Variants in SPOCK1 observed in about 807,000 individuals in gnomAD.
SPOCK1 encodes the protein SPARC (osteonectin), cwcv and kazal like domains proteoglycan 1, also known as testican-1.
Under a neutral mutation model 55.3 loss-of-function variants are expected in SPOCK1, and 23 were observed. That is an observed-to-expected ratio of 0.42 (90% CI 0.30 to 0.59). The LOEUF (loss-of-function observed/expected upper bound fraction) is 0.59. Among genes scored for constraint, SPOCK1 ranks in the 20% least tolerant of loss-of-function variants. SPOCK1 has a pLI of 0.22. For synonymous variants in SPOCK1, 226 were observed against 221.0 expected (o/e 1.02, Z -0.20); for missense variants, 499 against 552.5 (o/e 0.90, Z 0.97).
chr5:137,183,300 T>C (rs553479220), intron 3 of SPOCK1, among the ~76,000 whole-genome samples: 10 of 152,226 alleles, frequency 6.6e-5, no homozygotes, highest in African/African-American at 2.2e-4. Flanking sequence ...CACAGAAAGA[T>C]GAATGGCTAA....
Position 137,394,400 on chromosome 5 carries a change from T to C in SPOCK1, c.186+103973A>G, listed in dbSNP as rs79691933. Among the ~76,000 whole-genome samples the C allele has an allele frequency of 7.2e-3, 1,091 of 152,368 alleles. 7 individuals carry two copies. Among genetic ancestry groups the C allele is most frequent in the Non-Finnish European group, 0.013 (854 of 68,034 alleles). On this transcript the variant is annotated intron_variant, in intron 2 of 10. Transcript: ENST00000394945. ...AACAGAGAAAGTCCTAAAATTGTTG[T>C]ACATTTGAAGAAACTGAGGCACAGT...
chr5:137,034,181 C>A (rs1374972338), intron 6 of SPOCK1, among the ~76,000 whole-genome samples: 1 of 152,216 alleles, frequency 6.6e-6, no homozygotes, highest in East Asian at 1.9e-4. Flanking sequence ...GTCTACCATG[C>A]AGTAAGTCCC....
intron 2 of SPOCK1, among the ~76,000 whole-genome samples, chr5:137,344,551 A>T (rs1187170232): frequency 6.6e-6 from 1 of 152,200 alleles, no homozygotes; most frequent in African/African-American, 2.4e-5. Context: ...TGATGTTCAC[A>T]AATGGGGAGG....
intron 3 of SPOCK1, among the ~76,000 whole-genome samples, chr5:137,202,517 A>C (rs1234107431): frequency 6.6e-6 from 1 of 152,182 alleles, no homozygotes; most frequent in East Asian, 1.9e-4. Flanking sequence ...TACATACACA[A>C]ATGTACATGA....
intron 2 of SPOCK1, among the ~76,000 whole-genome samples, chr5:137,379,916 C>T (rs1197950618): frequency 6.6e-6 from 1 of 152,228 alleles, no homozygotes; most frequent in Admixed American, 6.5e-5. Flanking sequence ...GGTGATAGCA[C>T]TAAAACCAAT....
intron 5 of SPOCK1, among the ~76,000 whole-genome samples, chr5:137,111,116 T>C (rs1458059319): frequency 6.6e-6 from 1 of 151,884 alleles, no homozygotes; most frequent in Non-Finnish European, 1.5e-5. Flanking sequence ...CCCTGATAAG[T>C]CTCTGAGGAC....
chr5:137,403,827 A>G (rs1402926407), intron 2 of SPOCK1, among the ~76,000 whole-genome samples: 1 of 152,074 alleles, frequency 6.6e-6, no homozygotes, highest in Non-Finnish European at 1.5e-5. Context: ...GCCTGTCATG[A>G]CAGCCTGCGA....
chr5:137,417,696 G>C (rs1405082914), intron 2 of SPOCK1, among the ~76,000 whole-genome samples: 1 of 152,078 alleles, frequency 6.6e-6, no homozygotes, highest in Non-Finnish European at 1.5e-5. Context: ...CCAATAGTTT[G>C]TTCTTATGCA....
chr5:137,396,769 T>C (rs908064410), intron 2 of SPOCK1, among the ~76,000 whole-genome samples: 2 of 152,176 alleles, frequency 1.3e-5, no homozygotes, highest in Non-Finnish European at 1.5e-5. Flanking sequence ...ATACATTAAG[T>C]AGTTGTCCAA....
chr5:137,458,399 T>C (rs1307390963), intron 2 of SPOCK1, among the ~76,000 whole-genome samples: 2 of 152,236 alleles, frequency 1.3e-5, no homozygotes, highest in African/African-American at 4.8e-5. Context: ...GTTACTATTG[T>C]TTTTGTAATA....
intron 3 of SPOCK1, among the ~76,000 whole-genome samples, chr5:137,221,081 C>T (rs1580814054): frequency 6.6e-6 from 1 of 152,230 alleles, no homozygotes; most frequent in East Asian, 1.9e-4. Flanking sequence ...AATATAAAAA[C>T]CCAAATATCT....
intron 2 of SPOCK1, among the ~76,000 whole-genome samples, chr5:137,290,380 G>A (rs1407199173): frequency 6.6e-6 from 1 of 150,584 alleles, no homozygotes; most frequent in Non-Finnish European, 1.5e-5. Flanking sequence ...TCTATATAAA[G>A]TTCAAAAAAG....
At position 137,140,663 on chromosome 5, in the gene SPOCK1, C is replaced by A. The variant is rs777741008; in HGVS notation, c.264G>T (p.Lys88Asn). ...ALDPSKDPCL[K>N]VKCSPHKVCV... ...ACACTTTGTGAGGGCTGCATTTTACCTTCAGGCAGGGGTCCTTGGATGGGT... is the reference window on the plus strand; with the variant it reads ...ACACTTTGTGAGGGCTGCATTTTACATTCAGGCAGGGGTCCTTGGATGGGT... Residue 88 changes from lysine to asparagine, a missense_variant, in exon 4 of 11, where the codon AAG (lysine) becomes AAT (asparagine). Lys to Asn is a moderately conservative substitution (Grantham distance 94). Transcript: ENST00000394945. The A allele has an allele frequency of 1.9e-6, 3 of 1,613,684 alleles. No homozygotes were observed. Among genetic ancestry groups the A allele is most frequent in the African/African-American group, 2.7e-5 (2 of 74,882 alleles).
intron 6 of SPOCK1, among the ~76,000 whole-genome samples, chr5:137,002,417 T>C (rs1381419650): frequency 1.3e-5 from 2 of 151,958 alleles, no homozygotes; most frequent in South Asian, 2.1e-4. Flanking sequence ...TCAGGGAAGT[T>C]AGCTAGATGA....
rs188959696 is a variant in SPOCK1, at chr5:137,055,648, T to C, written c.589+12067A>G. Among the ~76,000 whole-genome samples, 69 of 152,368 alleles carry C rather than the reference T, an allele frequency of 4.5e-4. 2 individuals are homozygous for C. Among genetic ancestry groups the C allele is most frequent in the Admixed American group, 2.2e-3 (34 of 15,310 alleles). ...CTCCCTCCTCTGGCTATAAATGTTC[T>C]GTGTTCTCACAAGGGCACAAGGAAA... On this transcript the variant is annotated intron_variant, in intron 6 of 10. Transcript: ENST00000394945.
chr5:137,122,112 T>C (rs1410164012), intron 4 of SPOCK1, among the ~76,000 whole-genome samples: 3 of 151,900 alleles, frequency 2.0e-5, no homozygotes, highest in Non-Finnish European at 4.4e-5. Context: ...GCACTTTCCA[T>C]TAAGAGAGTG....
At chr5:137,125,382 A>G (rs565831842) in intron 4 of SPOCK1, among the ~76,000 whole-genome samples, 16 of 152,322 alleles carry the variant, frequency 1.1e-4, no homozygotes, top group Non-Finnish European at 1.9e-4. Context: ...AGAGAAAGCA[A>G]CAACTGCTGT....
intron 2 of SPOCK1, among the ~76,000 whole-genome samples, chr5:137,360,063 G>A (rs1353419321): frequency 6.6e-6 from 1 of 152,184 alleles, no homozygotes; most frequent in Non-Finnish European, 1.5e-5. Flanking sequence ...AGAGCAATTG[G>A]TGCCATTAGT....
intron 3 of SPOCK1, among the ~76,000 whole-genome samples, chr5:137,247,587 TA>T (rs991472506): frequency 1.3e-5 from 2 of 152,146 alleles, no homozygotes; most frequent in South Asian, 2.1e-4. Context: ...CAGAGCACTT[TA>T]AAAAAAACTG....
Sources: allele counts gnomAD v4.1 joint callset (sites outside exome capture counted in the v4.1 genomes callset), GRCh38; gene constraint gnomAD v4.1.1; transcripts MANE v1.5; gene names NCBI Gene and HGNC (gene_info 2026-07-23, HGNC 2026-07-21).